DNAJC6: variants seen among roughly 807,000 people sequenced by gnomAD.
The protein encoded by DNAJC6 is DnaJ heat shock protein family (Hsp40) member C6.
A neutral mutation model predicts 110.0 loss-of-function variants in DNAJC6; 34 were observed. That is an observed-to-expected ratio of 0.31 (90% confidence interval 0.24 to 0.41). DNAJC6 has a LOEUF of 0.41. Ranked by LOEUF, DNAJC6 falls within the 10% of genes least tolerant of loss-of-function variation. The pLI, the probability that DNAJC6 is intolerant of heterozygous loss-of-function variation, is 1.00. For missense variants in DNAJC6, 1,031 were observed against 1,207.8 expected, an observed-to-expected ratio of 0.85 and a Z score of 2.17; for synonymous variants, 406 against 437.2, an observed-to-expected ratio of 0.93 and a Z score of 0.89.
chr1:65,306,642 TCTTATCCTTTGCCG>T (rs1291503981), upstream of DNAJC6: 3 of 152,130 alleles, frequency 2.0e-5, no homozygotes, highest in African/African-American at 4.8e-5. Context: ...GAAGAGGGCA[TCTTATCCTTTGCCG>T]TTGTCTCATG....
At chr1:65,308,842 A>C (rs1435431716), upstream of DNAJC6, among the ~76,000 whole-genome samples, 1 of 152,184 alleles carries the variant, frequency 6.6e-6, no homozygotes, top group East Asian at 1.9e-4. Context: ...TTCGCTCAAC[A>C]AAGAGTTCTA....
At chr1:65,329,716 T>C (rs1482900260) in intron 1 of DNAJC6, among the ~76,000 whole-genome samples, 1 of 152,218 alleles carries the variant, frequency 6.6e-6, no homozygotes, top group Non-Finnish European at 1.5e-5. Flanking sequence ...TGTTTTAATT[T>C]CCTGATTCTT....
chr1:65,342,639 G>T (rs1434488760), intron 1 of DNAJC6, among the ~76,000 whole-genome samples: 1 of 152,180 alleles, frequency 6.6e-6, no homozygotes, highest in Non-Finnish European at 1.5e-5. Flanking sequence ...GTAAAAAGGG[G>T]ATAATCAAAC....
At chr1:65,365,758 T>C (rs1557543865) in intron 2 of DNAJC6, 127 bp from the exon 3 acceptor site, 7 of 987,608 alleles carry the variant, frequency 7.1e-6, no homozygotes, top group Non-Finnish European at 9.2e-6. Flanking sequence ...AGAGAAGGGC[T>C]GGAGGGGAGT....
At chr1:65,319,101 C>A (rs1324067493) in intron 1 of DNAJC6, among the ~76,000 whole-genome samples, 2 of 152,154 alleles carry the variant, frequency 1.3e-5, no homozygotes, top group African/African-American at 4.8e-5. Context: ...GACAGACTGA[C>A]AACCAACCAA....
chr1:65,384,148 T>C, intron 5 of DNAJC6, 45 bp from the exon 6 acceptor site: 1 of 1,378,174 alleles, frequency 7.3e-7, no homozygotes, highest in Non-Finnish European at 9.5e-7. Flanking sequence ...GGAGAATGGC[T>C]GATTTGATCA....
In DNAJC6 at chr1:65,346,706, A is replaced by C. The variant is rs59970774; in HGVS notation, c.194-17929A>C. Among the ~76,000 whole-genome samples, 1,018 of 152,216 alleles carry C rather than the reference A, an allele frequency of 6.7e-3. 12 individuals are homozygous for C. Among genetic ancestry groups the C allele is most frequent in the African/African-American group, 0.023 (972 of 41,534 alleles). Reference sequence around the variant, plus strand: ...GCCTAGCATGTTCCCTAGTATGCTTATAATCAGAGCTCAGTTATGATCCTT... The same window carrying C: ...GCCTAGCATGTTCCCTAGTATGCTTCTAATCAGAGCTCAGTTATGATCCTT... On this transcript the variant is annotated intron_variant, in intron 1 of 18. Coordinates refer to ENST00000371069, the MANE Select transcript of DNAJC6 (RefSeq NM_001256864.2).
At chr1:65,398,369 C>A (rs1294082449) in intron 13 of DNAJC6, among the ~76,000 whole-genome samples, 1 of 152,154 alleles carries the variant, frequency 6.6e-6, no homozygotes, top group African/African-American at 2.4e-5. Flanking sequence ...ATACTTAATG[C>A]TTAGCAAAGG....
upstream of DNAJC6, among the ~76,000 whole-genome samples, chr1:65,308,900 T>G (rs1341831417): frequency 6.6e-6 from 1 of 151,036 alleles, no homozygotes; most frequent in African/African-American, 2.4e-5. Flanking sequence ...CCTCCTAGTA[T>G]TAGAATACCC....
At chr1:65,320,044 C>A (rs1241887208) in intron 1 of DNAJC6, among the ~76,000 whole-genome samples, 1 of 152,198 alleles carries the variant, frequency 6.6e-6, no homozygotes, top group Non-Finnish European at 1.5e-5. Flanking sequence ...TCTCAGTCTG[C>A]TGCATGTGGC....
intron 5 of DNAJC6, among the ~76,000 whole-genome samples, chr1:65,380,130 C>G (rs967123200): frequency 6.6e-6 from 1 of 152,158 alleles, no homozygotes; most frequent in Non-Finnish European, 1.5e-5. Context: ...ATCTAAATGT[C>G]TTCTGTGGCT....
intron 4 of DNAJC6, 149 bp downstream of exon 4, chr1:65,366,345 C>G: frequency 1.2e-6 from 1 of 848,924 alleles, no homozygotes; most frequent in Non-Finnish European, 1.8e-6. Flanking sequence ...ATTTATTAGG[C>G]TGCTATGAGA....
chr1:65,391,704 T>C (rs71647484), intron 11 of DNAJC6, among the ~76,000 whole-genome samples: 3,136 of 152,242 alleles, frequency 0.021, 61 homozygotes, highest in South Asian at 0.11. Flanking sequence ...AAATCAACAC[T>C]TAGGTACTAC....
intron 5 of DNAJC6, chr1:65,379,732 A>C: frequency 3.3e-6 from 2 of 611,604 alleles, no homozygotes; most frequent in Non-Finnish European, 5.3e-6. Context: ...AGGCAGATGT[A>C]TACACAACTC....
intron 1 of DNAJC6, among the ~76,000 whole-genome samples, chr1:65,358,142 A>G (rs1240130451): frequency 2.1e-5 from 3 of 140,174 alleles, no homozygotes; most frequent in Non-Finnish European, 3.0e-5. Context: ...TCGCACCACT[A>G]TACTCTGGCC....
chr1:65,402,520 C>T (rs1646040079), intron 15 of DNAJC6, among the ~76,000 whole-genome samples: 1 of 152,140 alleles, frequency 6.6e-6, no homozygotes, highest in Non-Finnish European at 1.5e-5. Flanking sequence ...ACTGATTTCA[C>T]CAAGGAGCCT....
At chr1:65,267,919 A>G (rs569219349) in intron 1 of DNAJC6, among the ~76,000 whole-genome samples, 1 of 151,474 alleles carries the variant, frequency 6.6e-6, no homozygotes, top group East Asian at 1.9e-4. Context: ...TGTAGGTGTG[A>G]CCATAGCAAC....
chr1:65,282,388 A>G (rs955261493), intron 1 of DNAJC6, among the ~76,000 whole-genome samples: 1 of 152,206 alleles, frequency 6.6e-6, no homozygotes, highest in African/African-American at 2.4e-5. Context: ...AAAAGGCTCT[A>G]TTTAGTTCAT....
chr1:65,368,735 TTCC>T (rs1645676373), intron 4 of DNAJC6, among the ~76,000 whole-genome samples: 3 of 8,714 alleles, frequency 3.4e-4, no homozygotes, highest in Admixed American at 1.8e-3. Context: ...CTTCTTCTTC[TTCC>T]CCCTCCCCTC....
Sources: allele counts gnomAD v4.1 joint callset (sites outside exome capture counted in the v4.1 genomes callset), GRCh38; gene constraint gnomAD v4.1.1; transcripts MANE v1.5; gene names NCBI Gene and HGNC (gene_info 2026-07-23, HGNC 2026-07-21).